The following LIPC variants were observed in gnomAD, a reference collection of about 807,000 sequenced individuals.
LIPC encodes hepatic triacylglycerol lipase.
LIPC carries 44 observed loss-of-function variants against 50.7 expected under a neutral mutation model. That is an observed-to-expected ratio of 0.87 (90% CI 0.68 to 1.11). The LOEUF (loss-of-function observed/expected upper bound fraction) is 1.11. Ranked by LOEUF, LIPC falls within the 50% of genes most tolerant of loss-of-function variation. LIPC has a pLI of 0.00. For synonymous variants in LIPC, 271 were observed against 256.4 expected, an observed-to-expected ratio of 1.06 and a Z score of -0.54; for missense variants, 697 against 648.2, an observed-to-expected ratio of 1.08 and a Z score of -0.82.
At chr15:58,463,621 A>C (rs1264521462) in intron 1 of LIPC, among the ~76,000 whole-genome samples, 2 of 152,156 alleles carry the variant, frequency 1.3e-5, no homozygotes, top group Non-Finnish European at 2.9e-5. Context: ...AAAGGAAAGA[A>C]TCCATCAGGT....
Position 58,533,232 on chromosome 15 carries a change from C to G in LIPC, c.89-5101C>G, listed in dbSNP as rs568211309. On this transcript the variant is annotated intron_variant, in intron 1 of 8. Transcript: ENST00000299022. ...TGCTTCTAGCTTATCCAATATGGAA[C>G]CAATTTCTTCACTCATAGCTAAAGC... is the stretch of plus-strand genomic sequence containing the variant. 139 of 901,646 alleles carry G rather than the reference C, an allele frequency of 1.5e-4. 1 individual carries two copies. In the African/African-American group the frequency reaches 2.4e-3, roughly 16 times the overall value. The allele number at this position is 901,646 out of a possible 1,614,324, so 55.9% of individuals were successfully genotyped here.
chr15:58,544,161 C>T (rs1413005306), intron 4 of LIPC, among the ~76,000 whole-genome samples: 1 of 152,128 alleles, frequency 6.6e-6, no homozygotes, highest in African/African-American at 2.4e-5. Flanking sequence ...ATGAGCAGCC[C>T]TCCCACTGAA....
chr15:58,537,364 G>A (rs1227295360), intron 1 of LIPC, among the ~76,000 whole-genome samples: 4 of 152,192 alleles, frequency 2.6e-5, no homozygotes, highest in Admixed American at 2.6e-4. Context: ...AAGAGAGGCT[G>A]GAAGGCCCTT....
intron 1 of LIPC, among the ~76,000 whole-genome samples, chr15:58,508,794 C>T (rs1417123966): frequency 1.3e-5 from 2 of 152,130 alleles, no homozygotes; most frequent in Admixed American, 6.5e-5. Context: ...CAGGAAGAAC[C>T]AACCAACCTG....
rs780626906 is a variant in LIPC, at chr15:58,548,342, C to T, written c.821C>T (p.Thr274Ile). The change falls in exon 6 of 9, where the codon ACC becomes ATC. Residue 274 changes from threonine to isoleucine, a missense_variant. Transcript: ENST00000299022. ...AQHGFNAITQ[T>I]IKCSHERSVH... The stretch of plus-strand genomic sequence containing the variant: ...CCCTGTGTTCCAGCCATCACCCAGA[C>T]CATAAAATGCTCCCACGAGCGATCG... The T allele has an allele frequency of 6.2e-7, 1 of 1,614,122 alleles. No individual in the cohort carries two copies. Among genetic ancestry groups the T allele is most frequent in the Non-Finnish European group, 8.5e-7 (1 of 1,180,036 alleles).
At chr15:58,535,155 T>A (rs1331326335) in intron 1 of LIPC, among the ~76,000 whole-genome samples, 1 of 152,188 alleles carries the variant, frequency 6.6e-6, no homozygotes, top group Non-Finnish European at 1.5e-5. Flanking sequence ...CTAAAGCCCC[T>A]ACGCAGGGCA....
At chr15:58,478,421 T>C (rs1189003686) in intron 1 of LIPC, among the ~76,000 whole-genome samples, 6 of 152,068 alleles carry the variant, frequency 3.9e-5, no homozygotes, top group Non-Finnish European at 8.8e-5. Context: ...GTATTTTTAG[T>C]AGAGATAGGG....
At chr15:58,451,281 G>A (rs143282064) in intron 1 of LIPC, among the ~76,000 whole-genome samples, 10 of 152,294 alleles carry the variant, frequency 6.6e-5, no homozygotes, top group South Asian at 2.1e-4. Flanking sequence ...AATTGTATTC[G>A]TTGAGACTTT....
At chr15:58,446,866 G>C (rs1001601920) in intron 1 of LIPC, among the ~76,000 whole-genome samples, 1 of 152,122 alleles carries the variant, frequency 6.6e-6, no homozygotes, top group African/African-American at 2.4e-5. Flanking sequence ...GTGAGTTTTG[G>C]CCAGGCGAGG....
chr15:58,564,767 G>A (rs1249512934), intron 8 of LIPC, among the ~76,000 whole-genome samples: 1 of 151,840 alleles, frequency 6.6e-6, no homozygotes, highest in Non-Finnish European at 1.5e-5. Flanking sequence ...AAGGAAGGAT[G>A]CTCCAGCGCT....
chr15:58,559,485 C>T (rs2414601), intron 6 of LIPC, among the ~76,000 whole-genome samples: 144,330 of 152,182 alleles, frequency 0.95, 68,642 homozygotes, highest in Middle Eastern at 0.99. Context: ...GCCCCAAGCC[C>T]GGACATGGCC....
intron 1 of LIPC, among the ~76,000 whole-genome samples, chr15:58,457,301 G>A (rs1231172009): frequency 6.6e-6 from 1 of 152,118 alleles, no homozygotes; most frequent in African/African-American, 2.4e-5. Flanking sequence ...GCAGAGACAG[G>A]GTTTCTCCAC....
intron 1 of LIPC, among the ~76,000 whole-genome samples, chr15:58,458,758 T>C (rs900310895): frequency 6.6e-6 from 1 of 152,214 alleles, no homozygotes. Flanking sequence ...ACACATCTTA[T>C]ACAACTAGCT....
intron 1 of LIPC, among the ~76,000 whole-genome samples, chr15:58,462,901 G>A (rs545849799): frequency 4.6e-5 from 7 of 152,296 alleles, no homozygotes; most frequent in African/African-American, 7.2e-5. Flanking sequence ...AGTTATTGGC[G>A]GAGTTATTCT....
intron 1 of LIPC, among the ~76,000 whole-genome samples, chr15:58,515,608 C>T (rs1395758689): frequency 6.6e-6 from 1 of 151,492 alleles, no homozygotes; most frequent in Non-Finnish European, 1.5e-5. Context: ...CTTTGGAGAT[C>T]ATCAGCCAAT....
intron 2 of LIPC, among the ~76,000 whole-genome samples, chr15:58,541,092 C>T (rs983908937): frequency 2.6e-5 from 4 of 152,122 alleles, no homozygotes; most frequent in African/African-American, 4.8e-5. Flanking sequence ...TGAGCCACCG[C>T]GCCCAGCCCC....
intron 1 of LIPC, among the ~76,000 whole-genome samples, chr15:58,504,836 T>C (rs1455122604): frequency 6.6e-6 from 1 of 152,202 alleles, no homozygotes; most frequent in Non-Finnish European, 1.5e-5. Context: ...AATGGCCCCA[T>C]TATCCTATCT....
At chr15:58,477,971 A>C (rs1284221669) in intron 1 of LIPC, among the ~76,000 whole-genome samples, 4 of 151,758 alleles carry the variant, frequency 2.6e-5, no homozygotes, top group Non-Finnish European at 4.4e-5. Context: ...CCTCCTCTCC[A>C]GCCAGGGGGA....
intron 1 of LIPC, among the ~76,000 whole-genome samples, chr15:58,440,027 C>T (rs1329841579): frequency 2.0e-5 from 3 of 152,202 alleles, no homozygotes; most frequent in African/African-American, 7.2e-5. Flanking sequence ...ACATCCACTG[C>T]TCCTGGATAC....
Sources: allele counts gnomAD v4.1 joint callset (sites outside exome capture counted in the v4.1 genomes callset), GRCh38; gene constraint gnomAD v4.1.1; transcripts MANE v1.5; gene names NCBI Gene and HGNC (gene_info 2026-07-23, HGNC 2026-07-21).